Variants in CAMK2D observed in about 807,000 individuals in gnomAD.
CAMK2D encodes calcium/calmodulin dependent protein kinase II delta.
CAMK2D carries 37 observed loss-of-function variants against 84.0 expected under a neutral mutation model. That is an observed-to-expected ratio of 0.44 (90% confidence interval 0.34 to 0.58). The LOEUF (loss-of-function observed/expected upper bound fraction) is 0.58. CAMK2D is among the 20% of genes least tolerant of loss of function. The probability of loss-of-function intolerance (pLI) is 0.02; values close to 1 mark genes in which losing one functional copy is unlikely to be tolerated. For synonymous variants in CAMK2D, 202 were observed against 212.5 expected, an observed-to-expected ratio of 0.95 and a Z score of 0.43; for missense variants, 448 against 652.5, an observed-to-expected ratio of 0.69 and a Z score of 3.41.
intron 16 of CAMK2D, among the ~76,000 whole-genome samples, chr4:113,490,577 G>C (rs1052200955): frequency 6.7e-6 from 1 of 148,300 alleles, no homozygotes; most frequent in African/African-American, 2.6e-5. Context: ...CAGGTAGTGT[G>C]ATGCCTCCAG....
At chr4:113,663,719 T>C (rs1053072307) in intron 2 of CAMK2D, among the ~76,000 whole-genome samples, 6 of 151,158 alleles carry the variant, frequency 4.0e-5, no homozygotes, top group East Asian at 1.9e-4. Flanking sequence ...TTTTTTTATA[T>C]ATATAAATCA....
intron 4 of CAMK2D, among the ~76,000 whole-genome samples, chr4:113,605,807 A>G (rs2098974603): frequency 6.6e-6 from 1 of 152,210 alleles, no homozygotes; most frequent in Non-Finnish European, 1.5e-5. Context: ...CCCATCAGTC[A>G]GTAATAAGAT....
intron 2 of CAMK2D, chr4:113,679,596 G>T: frequency 5.3e-6 from 1 of 189,300 alleles, no homozygotes; most frequent in Non-Finnish European, 9.8e-6. Context: ...TTTTAAAAAC[G>T]CTGAATTGAG....
chr4:113,600,111 T>C (rs911777427), intron 4 of CAMK2D, among the ~76,000 whole-genome samples: 26 of 152,138 alleles, frequency 1.7e-4, no homozygotes, highest in Non-Finnish European at 5.9e-5. Flanking sequence ...AGTAAAAGAT[T>C]AGTGGTTGCC....
chr4:113,521,246 TATC>T (rs1360313785), intron 8 of CAMK2D, among the ~76,000 whole-genome samples: 1 of 152,230 alleles, frequency 6.6e-6, no homozygotes, highest in Non-Finnish European at 1.5e-5. Context: ...TGATTATCAT[TATC>T]AATTCCTGGA....
chr4:113,476,703 G>A (rs906039783), intron 16 of CAMK2D, among the ~76,000 whole-genome samples: 2 of 152,146 alleles, frequency 1.3e-5, no homozygotes, highest in African/African-American at 4.8e-5. Flanking sequence ...CTGATCAGGA[G>A]TCATGTACCT....
chr4:113,695,623 T>C (rs1031846743), intron 2 of CAMK2D, among the ~76,000 whole-genome samples: 2 of 152,064 alleles, frequency 1.3e-5, no homozygotes, highest in Admixed American at 1.3e-4. Context: ...GGGTCTGCTT[T>C]CAAAATATAA....
intron 2 of CAMK2D, among the ~76,000 whole-genome samples, chr4:113,675,531 G>A (rs1305758303): frequency 6.6e-6 from 1 of 152,050 alleles, no homozygotes; most frequent in African/African-American, 2.4e-5. Flanking sequence ...ATGCCCCTCC[G>A]TGCAATTTCT....
At chr4:113,483,363 C>G (rs2097724662) in intron 16 of CAMK2D, among the ~76,000 whole-genome samples, 1 of 151,634 alleles carries the variant, frequency 6.6e-6, no homozygotes, top group Non-Finnish European at 1.5e-5. Flanking sequence ...TCATCTGAAG[C>G]ATTCTGTGTT....
chr4:113,676,687 T>C (rs1470976117), intron 2 of CAMK2D, among the ~76,000 whole-genome samples: 2 of 152,170 alleles, frequency 1.3e-5, no homozygotes, highest in East Asian at 1.9e-4. Context: ...CACTGAAAGG[T>C]CCTCTCCCTA....
chr4:113,603,277 A>T (rs1164589318), intron 4 of CAMK2D, among the ~76,000 whole-genome samples: 2 of 151,442 alleles, frequency 1.3e-5, no homozygotes, highest in African/African-American at 4.9e-5. Flanking sequence ...TTAGTTACAT[A>T]TGTATACATG....
rs973480370 is a variant in CAMK2D at position 113,483,508 on chromosome 4, C to A, written c.1135+16955G>T. Among the ~76,000 whole-genome samples the A allele has an allele frequency of 4.6e-5, 7 of 151,778 alleles. 1 individual carries two copies. The highest frequency in any genetic ancestry group is 4.2e-4 in the South Asian group (2 of 4,804). On this transcript the variant is annotated intron_variant, in intron 16 of 20. Coordinates refer to ENST00000511664, the MANE Select transcript of CAMK2D (RefSeq NM_001321571.2). ...TCAACCTCCGCCTCCCGGGTTCAAG[C>A]GATTCTCTTGCCTCAGCCTCCTGAG...
At chr4:113,736,870 A>G (rs1262000255) in intron 2 of CAMK2D, among the ~76,000 whole-genome samples, 1 of 152,200 alleles carries the variant, frequency 6.6e-6, no homozygotes, top group Admixed American at 6.5e-5. Flanking sequence ...TAAGAAGTCA[A>G]AACGTAAATG....
chr4:113,718,801 T>C (rs965179774), intron 2 of CAMK2D, among the ~76,000 whole-genome samples: 2 of 152,222 alleles, frequency 1.3e-5, no homozygotes, highest in Non-Finnish European at 2.9e-5. Context: ...TTTTTCACTG[T>C]AATAATTTTC....
intron 16 of CAMK2D, among the ~76,000 whole-genome samples, chr4:113,469,681 A>G (rs1363163317): frequency 6.6e-6 from 1 of 152,116 alleles, no homozygotes; most frequent in Non-Finnish European, 1.5e-5. Context: ...TACTGAACTG[A>G]GCTTAAGAAC....
chr4:113,636,963 C>T (rs2099112264), intron 3 of CAMK2D, among the ~76,000 whole-genome samples: 1 of 152,176 alleles, frequency 6.6e-6, no homozygotes, highest in Admixed American at 6.5e-5. Context: ...CACTATGCTG[C>T]ATGGCCTGCA....
intron 16 of CAMK2D, among the ~76,000 whole-genome samples, chr4:113,496,178 G>A (rs996332774): frequency 1.3e-5 from 2 of 152,212 alleles, no homozygotes; most frequent in African/African-American, 4.8e-5. Context: ...CACCCCTGGC[G>A]AGGAGTGCAG....
At chr4:113,659,607 G>C (rs974096873) in intron 3 of CAMK2D, among the ~76,000 whole-genome samples, 4 of 152,146 alleles carry the variant, frequency 2.6e-5, no homozygotes, top group Non-Finnish European at 4.4e-5. Context: ...ACTTGCTTAG[G>C]AAGGAGGTCT....
At chr4:113,578,287 C>T (rs1591474390) in intron 4 of CAMK2D, among the ~76,000 whole-genome samples, 2 of 152,002 alleles carry the variant, frequency 1.3e-5, no homozygotes, top group Non-Finnish European at 2.9e-5. Context: ...TTCTTGTTGG[C>T]CAGAAGAGAA....
Sources: gnomAD v4.1 joint callset for allele counts (sites outside exome capture counted in the v4.1 genomes callset) on GRCh38, gnomAD v4.1.1 for gene constraint, MANE v1.5 for transcripts, NCBI Gene and HGNC (gene_info 2026-07-23, HGNC 2026-07-21) for gene names.